Variants in BECN1 observed in about 807,000 individuals in gnomAD.
BECN1 encodes beclin-1.
Under a neutral mutation model 60.1 loss-of-function variants are expected in BECN1, and 15 were observed. The ratio of observed to expected loss-of-function variants is 0.25; its 90% CI spans 0.17 to 0.38. The LOEUF (loss-of-function observed/expected upper bound fraction) is 0.38. BECN1 is among the 10% of genes least tolerant of loss of function. The pLI, the probability that BECN1 is intolerant of heterozygous loss-of-function variation, is 1.00. For missense variants in BECN1, 424 were observed against 548.2 expected (o/e 0.77, Z 2.26); for synonymous variants, 179 against 201.8 (o/e 0.89, Z 0.96).
At chr17:42,818,487 G>A in intron 6 of BECN1, 57 bp downstream of exon 6, 6 of 1,612,924 alleles carry the variant, frequency 3.7e-6, no homozygotes, top group Non-Finnish European at 2.5e-6. Context: ...TCTTGGGTAA[G>A]GGCCAAGCAG....
At chr17:42,816,084 C>T in intron 7 of BECN1, 30 bp from the exon 8 acceptor site, 3 of 1,542,516 alleles carry the variant, frequency 1.9e-6, no homozygotes, top group Non-Finnish European at 2.6e-6. Flanking sequence ...CCATTGAAGG[C>T]TGTTAGCTTG....
At chr17:42,815,815 TC>T (rs768537862) in intron 8 of BECN1, 92 bp downstream of exon 8, 2 of 1,508,836 alleles carry the variant, frequency 1.3e-6, no homozygotes, top group Non-Finnish European at 1.8e-6. Context: ...TAACCTACAG[TC>T]CCTCTTTTGT....
chr17:42,817,648 T>G (rs2055174199), intron 7 of BECN1, among the ~76,000 whole-genome samples: 1 of 152,222 alleles, frequency 6.6e-6, no homozygotes, highest in Admixed American at 6.5e-5. Context: ...GCTCAAGTTA[T>G]CCTCCACTTC....
intron 2 of BECN1, among the ~76,000 whole-genome samples, chr17:42,821,606 A>G (rs965012052): frequency 7.2e-5 from 11 of 152,234 alleles, no homozygotes; most frequent in Non-Finnish European, 1.6e-4. Context: ...GAGGGAACAT[A>G]AGGAAACTTT....
At chr17:42,820,899 GA>G in intron 2 of BECN1, 58 bp from the exon 3 acceptor site, 1 of 1,424,780 alleles carries the variant, frequency 7.0e-7, no homozygotes, top group Non-Finnish European at 9.7e-7. Flanking sequence ...GAGGGCATCT[GA>G]AAGTATGGGA....
intron 1 of BECN1, 30 bp from the exon 2 acceptor site, chr17:42,823,909 G>C: frequency 1.2e-6 from 2 of 1,606,222 alleles, no homozygotes; most frequent in African/African-American, 1.3e-5. Flanking sequence ...GCAACATTAG[G>C]GAGAAGCGAC....
chr17:42,823,104 G>A (rs537915889), intron 2 of BECN1, among the ~76,000 whole-genome samples: 2 of 152,178 alleles, frequency 1.3e-5, no homozygotes, highest in African/African-American at 4.8e-5. Flanking sequence ...ACCCCGTACG[G>A]GTTGTTACAG....
At chr17:42,819,475 G>T in intron 4 of BECN1, 73 bp downstream of exon 4, 3 of 1,525,354 alleles carry the variant, frequency 2.0e-6, no homozygotes, top group South Asian at 2.4e-5. Context: ...CTGGCTCCAG[G>T]TCTCGATTCC....
Position 42,810,672 on chromosome 17 carries a change from T to C in BECN1, c.*88A>G. The C allele has an allele frequency of 4.2e-6, 6 of 1,412,700 alleles. No homozygotes were observed. Among genetic ancestry groups the C allele is most frequent in the South Asian group, 2.9e-5 (2 of 69,176 alleles). 87.5% of individuals were successfully genotyped at this position (1,412,700 alleles called of 1,614,324 possible). ...TTTGGTATTGTAAACATGTACTGTT[T>C]AATATTACCCGAATTTAATTTAAAA... On this transcript the variant is annotated 3_prime_UTR_variant, in exon 12 of 12. Coordinates refer to ENST00000590099, the MANE Select transcript of BECN1 (RefSeq NM_001313998.2).
chr17:42,811,363 T>C, intron 11 of BECN1: 1 of 330,518 alleles, frequency 3.0e-6, no homozygotes, highest in East Asian at 5.0e-5. Flanking sequence ...TCCTGTGTAT[T>C]TCCAAGGGCT....
At chr17:42,820,582 C>T (rs1030962756) in intron 3 of BECN1, 192 bp downstream of exon 3, 12 of 546,504 alleles carry the variant, frequency 2.2e-5, no homozygotes, top group African/African-American at 2.1e-4. Context: ...AGGTGCAGAT[C>T]TGTACCTCCA....
chr17:42,820,935 C>G, intron 2 of BECN1, 94 bp from the exon 3 acceptor site: 1 of 1,081,290 alleles, frequency 9.2e-7, no homozygotes, highest in Non-Finnish European at 1.4e-6. Context: ...ATTCTCATCA[C>G]CACCCTCACC....
intron 3 of BECN1, 22 bp downstream of exon 3, chr17:42,820,752 G>A (rs1417911691): frequency 2.6e-6 from 4 of 1,554,446 alleles, no homozygotes; most frequent in Admixed American, 3.8e-5. Flanking sequence ...GAGGAGGATA[G>A]GGGAGAGGGC....
chr17:42,818,382 CT>C lies in BECN1; in HGVS notation c.521del (p.Glu174GlyfsTer11). 1.2e-6 allele frequency: 2 copies of C among 1,614,196 alleles called. No individual in the cohort carries two copies. The highest frequency in any genetic ancestry group is 1.7e-6 in the Non-Finnish European group (2 of 1,180,034). On this transcript the variant is annotated frameshift_variant, in exon 7 of 12. Coordinates refer to ENST00000590099, the MANE Select transcript of BECN1 (RefSeq NM_001313998.2). LOFTEE classifies it high-confidence loss of function. ...RCLEILEQMN[E>X]DDSEQLQMEL... ...CCATCTGTAACTGTTCACTGTCATC[CT>C]CATTCATTTGCTCTAAGATCTCCAA... is the stretch of plus-strand genomic sequence containing the variant.
At chr17:42,818,446 T>C (rs1309104942) in intron 6 of BECN1, 31 bp from the exon 7 acceptor site, 1 of 1,612,826 alleles carries the variant, frequency 6.2e-7, no homozygotes, top group East Asian at 2.2e-5. Context: ...CTATACTTAC[T>C]AGAGCTCCAT....
intron 5 of BECN1, 34 bp downstream of exon 5, chr17:42,818,753 C>CA: frequency 6.2e-7 from 1 of 1,613,940 alleles, no homozygotes; most frequent in Non-Finnish European, 8.5e-7. Flanking sequence ...CCCAGCCAGG[C>CA]CTACTGCTTG....
At chr17:42,823,576 A>G (rs1013445900) in intron 2 of BECN1, 172 bp downstream of exon 2, 8 of 997,208 alleles carry the variant, frequency 8.0e-6, no homozygotes, top group South Asian at 1.8e-5. Flanking sequence ...GAAGTCCACA[A>G]TGTCAGAATG....
Position 42,823,835 on chromosome 17 carries a change from T to C in BECN1, c.43A>G (p.Ser15Gly). The C allele has an allele frequency of 6.2e-7, 1 of 1,614,030 alleles. No individual in the cohort carries two copies. The highest frequency in any genetic ancestry group is 1.1e-5 in the South Asian group (1 of 91,072). Residue 15 changes from serine to glycine, a missense_variant, in exon 2 of 12, where the codon AGC becomes GGC. Coordinates refer to ENST00000590099, the MANE Select transcript of BECN1 (RefSeq NM_001313998.2). ...KTSNNSTMQVSFVCQRCSQPL... is the reference protein window; with the variant it reads ...KTSNNSTMQVGFVCQRCSQPL... ...TGGCTGCAGCGCTGGCACACGAAGC[T>C]CACCTGCATGGTGCTGTTGTTGGAC...
At chr17:42,819,474 G>A (rs2055215337) in intron 4 of BECN1, 74 bp downstream of exon 4, 4 of 1,520,954 alleles carry the variant, frequency 2.6e-6, no homozygotes, top group Non-Finnish European at 3.6e-6. Flanking sequence ...CCTGGCTCCA[G>A]GTCTCGATTC....
Sources: allele counts gnomAD v4.1 joint callset (sites outside exome capture counted in the v4.1 genomes callset), GRCh38; gene constraint gnomAD v4.1.1; transcripts MANE v1.5; gene names NCBI Gene and HGNC (gene_info 2026-07-23, HGNC 2026-07-21).